ADGRA2: variants seen among roughly 807,000 people sequenced by gnomAD.
ADGRA2 encodes the protein G-protein coupled receptor 124.
ADGRA2 carries 61 observed loss-of-function variants against 98.7 expected under a neutral mutation model. The observed-to-expected ratio is 0.62, with a 90% CI of 0.50 to 0.76. The LOEUF (loss-of-function observed/expected upper bound fraction) is 0.76, where lower values mean the gene tolerates loss of function less well. Ranked by LOEUF, ADGRA2 falls within the 30% of genes least tolerant of loss-of-function variation. The probability of loss-of-function intolerance (pLI) is 0.00; values close to 1 mark genes in which losing one functional copy is unlikely to be tolerated. For missense variants in ADGRA2, 1,712 were observed against 1,860.0 expected (o/e 0.92, Z 1.46); for synonymous variants, 858 against 831.5 (o/e 1.03, Z -0.55).
intron 13 of ADGRA2, among the ~76,000 whole-genome samples, chr8:37,836,517 C>A (rs1453879634): frequency 6.6e-6 from 1 of 152,172 alleles, no homozygotes; most frequent in Non-Finnish European, 1.5e-5. Context: ...GCAGATGGAT[C>A]ACCTGCAGTC....
rs1024539867 is a variant in ADGRA2 at position 37,834,978 on chromosome 8, G to A, written c.1609-196G>A. ...ATTTGTAGGCTGCAGTGAGCTGGTT[G>A]TGATGCTGCACTCCAGCCTGGGTGA... On this transcript the variant is annotated intron_variant, in intron 11 of 18. Transcript: ENST00000412232. This position sits in a 1 kb window ranked among gnomAD's most constrained non-coding sequence, Gnocchi z 4.2. Among the ~76,000 whole-genome samples the A allele has an allele frequency of 3.3e-5, 5 of 151,870 alleles. No homozygotes were observed. Among genetic ancestry groups the A allele is most frequent in the Non-Finnish European group, 7.4e-5 (5 of 67,930 alleles).
At chr8:37,804,128 C>CACACACACACACACACACACAT (rs1804589984) in intron 1 of ADGRA2, among the ~76,000 whole-genome samples, 2 of 149,160 alleles carry the variant, frequency 1.3e-5, no homozygotes, top group Admixed American at 6.8e-5. Flanking sequence ...CACACACACA[C>CACACACACACACACACACACAT]ACACACACAC....
At chr8:37,840,980 T>TC (rs1216371381) in intron 18 of ADGRA2, 106 bp from the exon 19 acceptor site, 1 of 1,271,380 alleles carries the variant, frequency 7.9e-7, no homozygotes, top group Non-Finnish European at 1.1e-6. Flanking sequence ...GACCAAGCCG[T>TC]CCTTGTCTCC....
chr8:37,830,444 C>T lies in ADGRA2; in HGVS notation c.719-266C>T, dbSNP rs1805418802. 6.6e-6 allele frequency among the ~76,000 whole-genome samples: 1 copy of T among 152,172 alleles called. No individual in the cohort carries two copies. The highest frequency in any genetic ancestry group is 1.5e-5 in the Non-Finnish European group (1 of 68,024). On this transcript the variant is annotated intron_variant, in intron 6 of 18. Transcript: ENST00000412232. This position sits in a 1 kb window ranked among gnomAD's most constrained non-coding sequence, Gnocchi z 4.8. Reference sequence around the variant, plus strand: ...GCTTTTCTAAGCCCCCTTGGGACTGCTTGTTTATGTTTTCATCTGGCCCCA... The same window carrying T: ...GCTTTTCTAAGCCCCCTTGGGACTGTTTGTTTATGTTTTCATCTGGCCCCA...
intron 1 of ADGRA2, among the ~76,000 whole-genome samples, chr8:37,800,114 A>G (rs565257666): frequency 1.6e-4 from 24 of 152,278 alleles, no homozygotes; most frequent in African/African-American, 5.5e-4. Context: ...TCTCCTCCCC[A>G]TCAGGAAGGG....
chr8:37,822,083 C>A (rs564577340), intron 2 of ADGRA2, among the ~76,000 whole-genome samples: 2 of 152,230 alleles, frequency 1.3e-5, no homozygotes, highest in Non-Finnish European at 2.9e-5. Flanking sequence ...AGCCCCCATG[C>A]CTGGCATGGG....
At chr8:37,828,735 C>T (rs566723100) in intron 2 of ADGRA2, among the ~76,000 whole-genome samples, 153 bp from the exon 3 acceptor site, 2 of 151,822 alleles carry the variant, frequency 1.3e-5, no homozygotes, top group African/African-American at 2.4e-5. Flanking sequence ...AATCCCACCT[C>T]CCACCCGGTG....
chr8:37,826,218 C>A (rs552348815), intron 2 of ADGRA2, among the ~76,000 whole-genome samples: 1 of 152,192 alleles, frequency 6.6e-6, no homozygotes, highest in Non-Finnish European at 1.5e-5. Flanking sequence ...GCCCGTCCCC[C>A]ACGTGGGGGT....
intron 1 of ADGRA2, among the ~76,000 whole-genome samples, chr8:37,806,452 C>T (rs932133631): frequency 9.2e-5 from 14 of 151,670 alleles, no homozygotes; most frequent in Non-Finnish European, 1.9e-4. Flanking sequence ...GGCACCACCT[C>T]GGGTAGCTTC....
At position 37,833,132 on chromosome 8, in the gene ADGRA2, G is replaced by C. The variant is rs755853239; in HGVS notation, c.1220G>C (p.Gly407Ala). Residue 407 changes from glycine (G) to alanine (A), a missense_variant, in exon 9 of 19, where the codon GGC becomes GCC. Transcript: ENST00000412232. ...TRASRRCDRAGRWEPGDYSHC... is the reference protein window; with the variant it reads ...TRASRRCDRAARWEPGDYSHC... ...GCCTCCCGCCGGTGTGACCGTGCCG[G>C]CCGCTGGGAGCCAGGGGACTACTCC... 2.5e-6 allele frequency: 4 copies of C among 1,613,022 alleles called. No individual in the cohort carries two copies. Among genetic ancestry groups the C allele is most frequent in the Non-Finnish European group, 3.4e-6 (4 of 1,179,796 alleles).
chr8:37,841,655 G>GT lies in ADGRA2; in HGVS notation c.3319dup (p.Ser1107PhefsTer159). The GT allele has an allele frequency of 1.3e-6, 2 of 1,526,804 alleles. No homozygotes were observed. Among genetic ancestry groups the GT allele is most frequent in the Non-Finnish European group, 1.8e-6 (2 of 1,136,836 alleles). The allele number at this position is 1,526,804 out of a possible 1,614,324, so 94.6% of individuals were successfully genotyped here. On this transcript the variant is annotated frameshift_variant, in exon 19 of 19. Transcript: ENST00000412232. LOFTEE classifies it low-confidence loss of function (END_TRUNC). The surrounding 1 kb of genome is among the most constrained non-coding windows in gnomAD (Gnocchi z 5.0). ...GCCCTGCCCGCCGCCGCAGAGGACGGTTCCCCGGTGTTCGGGGAGGGCCCC... is the reference window on the plus strand; with the variant it reads ...GCCCTGCCCGCCGCCGCAGAGGACGGTTTCCCCGGTGTTCGGGGAGGGCCCC...
At chr8:37,827,491 A>T (rs1805314808) in intron 2 of ADGRA2, among the ~76,000 whole-genome samples, 1 of 152,228 alleles carries the variant, frequency 6.6e-6, no homozygotes, top group Non-Finnish European at 1.5e-5. Context: ...TGCCTAGGCC[A>T]TGATTGAATT....
intron 2 of ADGRA2, among the ~76,000 whole-genome samples, chr8:37,823,940 T>A (rs1195729978): frequency 5.3e-5 from 8 of 152,244 alleles, no homozygotes; most frequent in Non-Finnish European, 1.2e-4. Context: ...CCTGTATATA[T>A]TCTAGATAGA....
rs1360306989 is a variant in ADGRA2 at position 37,844,564 on chromosome 8, G to A, written c.*2209G>A. On this transcript the variant is annotated 3_prime_UTR_variant, in exon 19 of 19. Transcript: ENST00000412232. The stretch of plus-strand genomic sequence containing the variant: ...CTCTGAAAGTCCCTAACTTCCTGAG[G>A]GGTACGCAAATACTGTTCTATTTCA... 3.1e-6 allele frequency: 5 copies of A among 1,613,922 alleles called. No homozygotes were observed. The highest frequency in any genetic ancestry group is 4.2e-6 in the Non-Finnish European group (5 of 1,180,014).
chr8:37,822,327 G>T (rs936421583), intron 2 of ADGRA2, among the ~76,000 whole-genome samples: 10 of 151,996 alleles, frequency 6.6e-5, no homozygotes, highest in African/African-American at 2.4e-4. Context: ...CAAGCAGGGA[G>T]GTCTGTGGGG....
chr8:37,840,711 C>A (rs1224036807), intron 17 of ADGRA2, 49 bp from the exon 18 acceptor site: 4 of 945,140 alleles, frequency 4.2e-6, no homozygotes, highest in Non-Finnish European at 7.0e-6. Context: ...CCCAGTTCTT[C>A]CCTTCCCTTT....
Position 37,830,737 on chromosome 8 carries a change from A to G in ADGRA2, c.746A>G (p.His249Arg). Residue 249 changes from histidine (H) to arginine (R), a missense_variant, in exon 7 of 19, where the codon CAC becomes CGC. Physicochemically the swap from His to Arg is conservative, Grantham distance 29 (BLOSUM62 0). Coordinates refer to ENST00000412232, the MANE Select transcript of ADGRA2 (RefSeq NM_032777.10). The surrounding 1 kb of genome is among the most constrained non-coding windows in gnomAD (Gnocchi z 4.8). ...CEGALELHTHHLIPSLRQVVF... is the reference protein window; with the variant it reads ...CEGALELHTHRLIPSLRQVVF... The stretch of plus-strand genomic sequence containing the variant: ...GGGGCCCTGGAGCTGCACACACACC[A>G]CCTCATCCCGTCCCTACGCCAAGTG... 1 of 1,604,176 alleles carries G rather than the reference A, an allele frequency of 6.2e-7. No homozygotes were observed. The highest frequency in any genetic ancestry group is 1.7e-5 in the Admixed American group (1 of 59,114).
At chr8:37,800,544 A>G (rs1804473576) in intron 1 of ADGRA2, among the ~76,000 whole-genome samples, 1 of 152,178 alleles carries the variant, frequency 6.6e-6, no homozygotes, top group South Asian at 2.1e-4. Flanking sequence ...AGGGAATTCC[A>G]GGGAGAGTGC....
rs1399885951 is a variant in ADGRA2, at chr8:37,840,228, A to G, written c.2619A>G (p.Glu873=). ...ELTWRAPPPQ[E]GDPALPTPSP... Reference sequence around the variant, plus strand: ...CCTGGAGGGCACCCCCTCCGCAAGAAGGGGACCCCGCTCTGCCTACTCCCA... The same window carrying G: ...CCTGGAGGGCACCCCCTCCGCAAGAGGGGGACCCCGCTCTGCCTACTCCCA... The change falls in exon 17 of 19, where the codon GAA becomes GAG. Residue 873 remains glutamate, a synonymous_variant. Coordinates refer to ENST00000412232, the MANE Select transcript of ADGRA2 (RefSeq NM_032777.10). The G allele has an allele frequency of 6.2e-7, 1 of 1,613,032 alleles. No homozygotes were observed. The highest frequency in any genetic ancestry group is 8.5e-7 in the Non-Finnish European group (1 of 1,179,950).
Sources: gnomAD v4.1 joint callset for allele counts (sites outside exome capture counted in the v4.1 genomes callset) on GRCh38, gnomAD v4.1.1 for gene constraint, Gnocchi (gnomAD v3.1) non-coding constraint, MANE v1.5 for transcripts, NCBI Gene and HGNC (gene_info 2026-07-23, HGNC 2026-07-21) for gene names.